The following RNGTT variants were observed in gnomAD, a reference collection of about 807,000 sequenced individuals.
The protein encoded by RNGTT is mRNA-capping enzyme.
A neutral mutation model predicts 79.3 loss-of-function variants in RNGTT; 33 were observed. The ratio of observed to expected loss-of-function variants is 0.42; its 90% CI spans 0.32 to 0.56. RNGTT has a LOEUF of 0.56. RNGTT is among the 20% of genes least tolerant of loss of function. The pLI, the probability that RNGTT is intolerant of heterozygous loss-of-function variation, is 0.17. For missense variants in RNGTT, 497 were observed against 739.1 expected (o/e 0.67, Z 3.80); for synonymous variants, 222 against 235.9 (o/e 0.94, Z 0.54).
At chr6:88,626,795 C>T (rs1006555437) in intron 14 of RNGTT, among the ~76,000 whole-genome samples, 1 of 152,046 alleles carries the variant, frequency 6.6e-6, no homozygotes, top group Non-Finnish European at 1.5e-5. Flanking sequence ...GGTTGAATGA[C>T]CTTTCTATAG....
chr6:88,733,856 C>T (rs1346501562), intron 13 of RNGTT, among the ~76,000 whole-genome samples: 2 of 150,516 alleles, frequency 1.3e-5, no homozygotes, highest in African/African-American at 4.9e-5. Flanking sequence ...ATTCTGTATC[C>T]AGCAAAATTA....
intron 13 of RNGTT, among the ~76,000 whole-genome samples, chr6:88,696,634 A>ACACACAC (rs1562200542): frequency 4.6e-5 from 7 of 151,608 alleles, no homozygotes; most frequent in Non-Finnish European, 7.4e-5. Flanking sequence ...ACACACACAC[A>ACACACAC]AAATGTGTAA....
intron 11 of RNGTT, among the ~76,000 whole-genome samples, chr6:88,809,061 T>C (rs6922340): frequency 0.2 from 29,766 of 151,874 alleles, 3,607 homozygotes; most frequent in African/African-American, 0.33. Context: ...GATGTCAAAT[T>C]CAGGGCTAAT....
At chr6:88,777,870 C>G (rs1164162230) in intron 12 of RNGTT, among the ~76,000 whole-genome samples, 1 of 152,082 alleles carries the variant, frequency 6.6e-6, no homozygotes, top group Non-Finnish European at 1.5e-5. Context: ...TTGCCTTGTA[C>G]CGGATTTTAC....
At position 88,880,201 on chromosome 6, in the gene RNGTT, TG is replaced by T. The variant is rs1562299318; in HGVS notation, c.896+10293del. On this transcript the variant is annotated intron_variant, in intron 8 of 15. Transcript: ENST00000369485. ...CTGAATGAATGAATGAATGAATGAA[TG>T]AATGAATGAATGAAAGGAAGAAGGG... 4.8e-3 allele frequency among the ~76,000 whole-genome samples: 682 copies of T among 143,442 alleles called. 5 individuals carry two copies. Among genetic ancestry groups the T allele is most frequent in the African/African-American group, 0.016 (626 of 40,060 alleles). 94.1% of individuals were successfully genotyped at this position (143,442 alleles called of 152,430 possible).
At chr6:88,962,001 A>T (rs946967124) in intron 1 of RNGTT, among the ~76,000 whole-genome samples, 1 of 152,244 alleles carries the variant, frequency 6.6e-6, no homozygotes, top group Non-Finnish European at 1.5e-5. Flanking sequence ...ATACATGCAT[A>T]ATCTGGATGA....
chr6:88,936,196 C>T (rs753564133), intron 2 of RNGTT, among the ~76,000 whole-genome samples: 6 of 152,182 alleles, frequency 3.9e-5, no homozygotes, highest in Non-Finnish European at 8.8e-5. Context: ...CCTCCCAAAG[C>T]ACTTTGGGGT....
chr6:88,734,687 C>T (rs1777226733), intron 13 of RNGTT, among the ~76,000 whole-genome samples: 1 of 152,080 alleles, frequency 6.6e-6, no homozygotes, highest in Non-Finnish European at 1.5e-5. Flanking sequence ...CCTGACTTAA[C>T]GACAGTTGAA....
intron 13 of RNGTT, among the ~76,000 whole-genome samples, chr6:88,724,571 G>A (rs1776822182): frequency 6.6e-6 from 1 of 152,116 alleles, no homozygotes; most frequent in Admixed American, 6.5e-5. Flanking sequence ...GGGGAAGGGG[G>A]AGATGGTTTC....
intron 6 of RNGTT, among the ~76,000 whole-genome samples, chr6:88,898,692 ATATG>A (rs1477427814): frequency 2.7e-5 from 4 of 150,380 alleles, no homozygotes; most frequent in Non-Finnish European, 4.4e-5. Context: ...TATATTATAT[ATATG>A]TATCTCCCCA....
At chr6:88,915,256 C>T (rs1322008849) in intron 4 of RNGTT, among the ~76,000 whole-genome samples, 1 of 152,124 alleles carries the variant, frequency 6.6e-6, no homozygotes, top group African/African-American at 2.4e-5. Flanking sequence ...ACCCACAATC[C>T]CATTATTGGA....
intron 8 of RNGTT, among the ~76,000 whole-genome samples, chr6:88,862,208 C>T (rs1402691351): frequency 6.6e-6 from 1 of 152,068 alleles, no homozygotes; most frequent in Admixed American, 6.6e-5. Flanking sequence ...TAGGTAGCTT[C>T]GGGATGGGGA....
chr6:88,610,090 CCT>C lies in RNGTT; in HGVS notation c.*2627_*2628del, dbSNP rs1482400454. ...AAATAAAAGGTTCAAACTACACCCC[CCT>C]GTGTCAATCAAATTTCTCAGTTTCT... On this transcript the variant is annotated 3_prime_UTR_variant, in exon 16 of 16. Transcript: ENST00000369485. 5.3e-5 allele frequency among the ~76,000 whole-genome samples: 8 copies of C among 152,166 alleles called. No homozygotes were observed. Among genetic ancestry groups the C allele is most frequent in the South Asian group, 2.1e-4 (1 of 4,828 alleles).
At chr6:88,797,248 G>A (rs1779628867) in intron 12 of RNGTT, among the ~76,000 whole-genome samples, 1 of 152,004 alleles carries the variant, frequency 6.6e-6, no homozygotes, top group South Asian at 2.1e-4. Context: ...AAAATTTGGG[G>A]CTAAGTCAGA....
chr6:88,874,926 A>G (rs1782468863), intron 8 of RNGTT, among the ~76,000 whole-genome samples: 1 of 152,080 alleles, frequency 6.6e-6, no homozygotes, highest in South Asian at 2.1e-4. Context: ...GCTCTTTAGT[A>G]TCTCTTACTT....
intron 14 of RNGTT, among the ~76,000 whole-genome samples, chr6:88,671,011 A>G (rs189837106): frequency 7.9e-5 from 12 of 152,348 alleles, no homozygotes; most frequent in African/African-American, 2.6e-4. Context: ...TGAACAGGGA[A>G]AAGTTGAAAA....
chr6:88,926,702 T>C (rs1784329807), intron 4 of RNGTT, among the ~76,000 whole-genome samples: 1 of 152,220 alleles, frequency 6.6e-6, no homozygotes, highest in Non-Finnish European at 1.5e-5. Flanking sequence ...TAGCCCTTAC[T>C]GGCTGTGTGA....
At chr6:88,666,672 C>A (rs1203347202) in intron 14 of RNGTT, among the ~76,000 whole-genome samples, 2 of 152,304 alleles carry the variant, frequency 1.3e-5, no homozygotes, top group East Asian at 3.9e-4. Flanking sequence ...ACCTCCGGGA[C>A]AAACCTTGGA....
At chr6:88,931,187 T>TAAAAAAAAAAAAA (rs34070183) in intron 2 of RNGTT, among the ~76,000 whole-genome samples, 8 of 101,936 alleles carry the variant, frequency 7.8e-5, no homozygotes, top group East Asian at 2.8e-4. Context: ...TATAAAGCTG[T>TAAAAAAAAAAAAA]AAAAAAAAAA....
Sources: allele counts gnomAD v4.1 joint callset (sites outside exome capture counted in the v4.1 genomes callset), GRCh38; gene constraint gnomAD v4.1.1; transcripts MANE v1.5; gene names NCBI Gene and HGNC (gene_info 2026-07-23, HGNC 2026-07-21).